Variants in TEX9 observed in about 807,000 individuals in gnomAD.
The protein encoded by TEX9 is testis expressed 9.
In TEX9, 74 loss-of-function variants were observed where a neutral mutation model predicts 59.6. The ratio of observed to expected loss-of-function variants is 1.24; its 90% confidence interval spans 1.03 to 1.51. The LOEUF (loss-of-function observed/expected upper bound fraction) is 1.51. Ranked by LOEUF, TEX9 falls within the 40% of genes most tolerant of loss-of-function variation. The pLI, the probability that TEX9 is intolerant of heterozygous loss-of-function variation, is 0.00. For synonymous variants in TEX9, 186 were observed against 152.2 expected (o/e 1.22, Z -1.64); for missense variants, 522 against 447.8 (o/e 1.17, Z -1.49).
At chr15:56,324,632 G>A (rs568094547) in intron 1 of TEX9, among the ~76,000 whole-genome samples, 2 of 152,302 alleles carry the variant, frequency 1.3e-5, no homozygotes, top group East Asian at 3.9e-4. Flanking sequence ...ACAAAGTATG[G>A]AAATGTGGTG....
At chr15:56,249,037 C>T (rs548831522) in intron 1 of TEX9, 1 of 152,282 alleles carries the variant, frequency 6.6e-6, no homozygotes, top group South Asian at 2.1e-4. Flanking sequence ...ATATTGTTCT[C>T]ATTTTCAAGA....
intron 1 of TEX9, among the ~76,000 whole-genome samples, chr15:56,340,082 A>G (rs954404625): frequency 9.2e-5 from 14 of 152,324 alleles, no homozygotes; most frequent in African/African-American, 3.1e-4. Context: ...GACGTCTTCA[A>G]GTATGGTACT....
chr15:56,352,414 T>TTC (rs1775030493), intron 1 of TEX9, among the ~76,000 whole-genome samples: 1 of 151,662 alleles, frequency 6.6e-6, no homozygotes, highest in African/African-American at 2.4e-5. Context: ...CCAGCTAATT[T>TTC]TTTTTTTTTT....
intron 2 of TEX9, among the ~76,000 whole-genome samples, chr15:56,370,743 T>C (rs1473002120): frequency 6.6e-6 from 1 of 152,246 alleles, no homozygotes; most frequent in Non-Finnish European, 1.5e-5. Context: ...ATTTTCACTG[T>C]GATGTATACA....
chr15:56,311,002 C>T (rs1429278622), intron 1 of TEX9, among the ~76,000 whole-genome samples: 1 of 152,140 alleles, frequency 6.6e-6, no homozygotes, highest in East Asian at 1.9e-4. Flanking sequence ...CCTCTCAACA[C>T]CCAAGTCTAG....
intron 1 of TEX9, among the ~76,000 whole-genome samples, chr15:56,248,130 T>C (rs2043907969): frequency 6.6e-6 from 1 of 152,172 alleles, no homozygotes; most frequent in Admixed American, 6.5e-5. Flanking sequence ...TTTCAGTCTT[T>C]AATAGCATTA....
chr15:56,366,436 G>A (rs748939023), intron 2 of TEX9, among the ~76,000 whole-genome samples: 1 of 152,156 alleles, frequency 6.6e-6, no homozygotes, highest in Non-Finnish European at 1.5e-5. Flanking sequence ...TCTCAGGAAA[G>A]AGACAGTCAC....
intron 9 of TEX9, among the ~76,000 whole-genome samples, chr15:56,399,076 T>A (rs1490818167): frequency 6.6e-6 from 1 of 152,194 alleles, no homozygotes; most frequent in African/African-American, 2.4e-5. Flanking sequence ...CATTTCCAAC[T>A]GAGGTACCTG....
chr15:56,416,993 T>C (rs1287185650), intron 10 of TEX9, among the ~76,000 whole-genome samples: 2 of 151,850 alleles, frequency 1.3e-5, no homozygotes, highest in Non-Finnish European at 2.9e-5. Context: ...TTTGTGTGCA[T>C]AGAGGTGTTC....
At chr15:56,371,803 T>C (rs575678590) in intron 2 of TEX9, among the ~76,000 whole-genome samples, 1 of 152,346 alleles carries the variant, frequency 6.6e-6, no homozygotes, top group African/African-American at 2.4e-5. Flanking sequence ...TGGACTTCCC[T>C]CTTGTTTGTT....
At chr15:56,343,640 T>A (rs1218716466) in intron 1 of TEX9, among the ~76,000 whole-genome samples, 11 of 152,064 alleles carry the variant, frequency 7.2e-5, no homozygotes, top group Non-Finnish European at 1.5e-4. Context: ...ACAATTTAGA[T>A]GAAATGAACT....
chr15:56,408,032 G>A (rs926549479), intron 9 of TEX9, among the ~76,000 whole-genome samples: 3 of 152,146 alleles, frequency 2.0e-5, no homozygotes, highest in Admixed American at 6.5e-5. Flanking sequence ...ACTCATTAGT[G>A]TACAGACATT....
At chr15:56,250,808 C>T (rs1390492188) in intron 1 of TEX9, among the ~76,000 whole-genome samples, 1 of 152,050 alleles carries the variant, frequency 6.6e-6, no homozygotes, top group African/African-American at 2.4e-5. Flanking sequence ...GACCTTTCAC[C>T]TGATTGGATG....
intron 1 of TEX9, among the ~76,000 whole-genome samples, chr15:56,293,635 T>G (rs1367361403): frequency 1.3e-5 from 2 of 152,176 alleles, no homozygotes; most frequent in African/African-American, 4.8e-5. Context: ...GGTATCAGTT[T>G]TGCCTCCAGA....
chr15:56,434,305 C>T, intron 12 of TEX9: 1 of 1,613,866 alleles, frequency 6.2e-7, no homozygotes, highest in Non-Finnish European at 8.5e-7. Context: ...TCCTCTTTTG[C>T]AGCCTGTAGC....
intron 1 of TEX9, among the ~76,000 whole-genome samples, chr15:56,336,152 A>G (rs2046252503): frequency 6.6e-6 from 1 of 152,160 alleles, no homozygotes; most frequent in African/African-American, 2.4e-5. Context: ...CAAATTATGT[A>G]TCATATCCCC....
chr15:56,333,637 AC>A (rs1301385878), intron 1 of TEX9, among the ~76,000 whole-genome samples: 1 of 152,174 alleles, frequency 6.6e-6, no homozygotes, highest in African/African-American at 2.4e-5. Flanking sequence ...GCCCACTTGC[AC>A]CCTGTTATTC....
At chr15:56,244,118 A>T (rs1322732828) in exon 1 of TEX9, 1 of 151,980 alleles carries the variant, frequency 6.6e-6, no homozygotes, top group Non-Finnish European at 1.5e-5. Flanking sequence ...CGTGAGGAGG[A>T]GGAGGAGAAA....
downstream of TEX9, chr15:56,446,900 T>C (rs148999020): frequency 1.6e-5 from 26 of 1,610,264 alleles, no homozygotes; most frequent in Non-Finnish European, 2.1e-5. Context: ...TCTTTATTCA[T>C]GTAAGCTGCT....
Sources: gnomAD v4.1 joint callset for allele counts (sites outside exome capture counted in the v4.1 genomes callset) on GRCh38, gnomAD v4.1.1 for gene constraint, MANE v1.5 for transcripts, NCBI Gene and HGNC (gene_info 2026-07-23, HGNC 2026-07-21) for gene names.